The following PSMF1 variants were observed in gnomAD, a reference collection of about 807,000 sequenced individuals.
PSMF1 encodes proteasome inhibitor subunit 1.
Under a neutral mutation model 29.3 loss-of-function variants are expected in PSMF1, and 30 were observed. The ratio of observed to expected loss-of-function variants is 1.02; its 90% CI spans 0.77 to 1.39. The LOEUF is 1.39. Among genes scored for constraint, PSMF1 ranks in the 40% most tolerant of loss-of-function variants. The probability of loss-of-function intolerance (pLI) is 0.00; values close to 1 mark genes in which losing one functional copy is unlikely to be tolerated. For synonymous variants in PSMF1, 134 were observed against 139.7 expected (o/e 0.96, Z 0.29); for missense variants, 344 against 357.5 (o/e 0.96, Z 0.31).
chr20:1,116,206 G>A (rs1335881489), upstream of PSMF1, among the ~76,000 whole-genome samples: 1 of 152,132 alleles, frequency 6.6e-6, no homozygotes, highest in Admixed American at 6.5e-5. Flanking sequence ...TTTATTGATG[G>A]AATGAATCTG....
intron 1 of PSMF1, among the ~76,000 whole-genome samples, chr20:1,124,943 C>G (rs1238173970): frequency 6.6e-6 from 1 of 152,198 alleles, no homozygotes; most frequent in African/African-American, 2.4e-5. Flanking sequence ...CTACCCAAGG[C>G]TTTAGCAGTA....
chr20:1,119,183 A>G lies in PSMF1; in HGVS notation c.129+281A>G, dbSNP rs542526976. Among the ~76,000 whole-genome samples, 7 of 152,226 alleles carry G rather than the reference A, an allele frequency of 4.6e-5. No homozygotes were observed. The East Asian group carries it at 7.7e-4, about 17-fold the overall frequency. On this transcript the variant is annotated intron_variant, in intron 1 of 6. Transcript: ENST00000335877. ...AGCCTCTCAGGCCAGGACTGTGTGG[A>G]TCTAGCATTCCATAGAATGGCAAAG...
Position 1,169,410 on chromosome 20 carries a change from G to A in PSMF1, c.*4330G>A, listed in dbSNP as rs1003567889. ...CCCTTGCTTGGAGGAACGTGAGGCT[G>A]ATGGTGCAGTGCAATAGAGGTCACT... is the stretch of plus-strand genomic sequence containing the variant. On this transcript the variant is annotated 3_prime_UTR_variant, in exon 7 of 7. Transcript: ENST00000335877. 9.9e-5 allele frequency among the ~76,000 whole-genome samples: 15 copies of A among 152,222 alleles called. 1 individual carries two copies. Among genetic ancestry groups the A allele is most frequent in the Admixed American group, 6.5e-5 (1 of 15,286 alleles).
At chr20:1,153,906 CTG>C (rs1326263826) in intron 4 of PSMF1, among the ~76,000 whole-genome samples, 2 of 152,062 alleles carry the variant, frequency 1.3e-5, no homozygotes, top group African/African-American at 4.8e-5. Flanking sequence ...GATAAGAAAT[CTG>C]TGTTTTCTAA....
chr20:1,132,658 A>G lies in PSMF1; in HGVS notation c.366-2463A>G, dbSNP rs56678966. ...CTAGGATTTTGATAGGAGTTGCATTAAACCTATAGATTAGTTTGGGGAGAA... is the reference window on the plus strand; with the variant it reads ...CTAGGATTTTGATAGGAGTTGCATTGAACCTATAGATTAGTTTGGGGAGAA... On this transcript the variant is annotated intron_variant, in intron 3 of 6. Coordinates refer to ENST00000335877, the MANE Select transcript of PSMF1 (RefSeq NM_006814.5). Among the ~76,000 whole-genome samples the G allele has an allele frequency of 8.8e-3, 1,347 of 152,322 alleles. 32 individuals are homozygous for G. The highest frequency in any genetic ancestry group is 0.031 in the African/African-American group (1,285 of 41,564).
In PSMF1 at chr20:1,164,592, C is replaced by A; in HGVS notation, c.764+116C>A. The A allele has an allele frequency of 7.1e-7, 1 of 1,398,850 alleles. No individual in the cohort carries two copies. The highest frequency in any genetic ancestry group is 9.8e-7 in the Non-Finnish European group (1 of 1,021,296). The allele number at this position is 1,398,850 out of a possible 1,614,324, so 86.7% of individuals were successfully genotyped here. A position where few individuals can be genotyped will look rare whatever the true frequency, so the allele number is the denominator to read the frequency against. On this transcript the variant is annotated intron_variant, in intron 6 of 6. Coordinates refer to ENST00000335877, the MANE Select transcript of PSMF1 (RefSeq NM_006814.5). The surrounding 1 kb of genome is among the most constrained non-coding windows in gnomAD (Gnocchi z 4.1). ...GAGCTGCCGCTGCCTTCACCTGTTG[C>A]TGCCAGGAGAGTGGAGCCTCCTCCA...
rs563221099 is a variant in PSMF1, at chr20:1,171,699, G to A, written c.*6619G>A. ...GTCAGCGCCCAGCCTCCCTAAAGCC[G>A]CTGGAGGAGGCCTTTGGAGCCAGCT... On this transcript the variant is annotated 3_prime_UTR_variant, in exon 7 of 7. Transcript: ENST00000335877. 6.6e-6 allele frequency among the ~76,000 whole-genome samples: 1 copy of A among 152,170 alleles called. No homozygotes were observed. The highest frequency in any genetic ancestry group is 6.5e-5 in the Admixed American group (1 of 15,286).
At chr20:1,157,372 C>T (rs1335330015) in intron 4 of PSMF1, among the ~76,000 whole-genome samples, 5 of 152,188 alleles carry the variant, frequency 3.3e-5, no homozygotes, top group African/African-American at 1.2e-4. Context: ...TGATACACAT[C>T]TCCTGAGATC....
chr20:1,167,349 TTTATTGAGA>T lies in PSMF1; in HGVS notation c.*2271_*2279del, dbSNP rs1314107467. On this transcript the variant is annotated 3_prime_UTR_variant, in exon 7 of 7. Coordinates refer to ENST00000335877, the MANE Select transcript of PSMF1 (RefSeq NM_006814.5). The stretch of plus-strand genomic sequence containing the variant: ...TGTTCCTCCTTTTTTAAATAGCAGC[TTTATTGAGA>T]TATAATTTACATACCCATAATTTAC... 1 of 152,188 alleles carries T rather than the reference TTTATTGAGA, an allele frequency of 6.6e-6. No homozygotes were observed. Among genetic ancestry groups the T allele is most frequent in the East Asian group, 1.9e-4 (1 of 5,194 alleles). The allele number at this position is 152,188 out of a possible 1,614,324, so 9.4% of individuals were successfully genotyped here.
At position 1,166,253 on chromosome 20, in the gene PSMF1, G is replaced by A. The variant is rs2086729090; in HGVS notation, c.*1173G>A. ...CCGAGGCCTGACAGACGCGGGCAGT[G>A]ATGAGCCCTGTTCTGGAGTGGAAAG... On this transcript the variant is annotated 3_prime_UTR_variant, in exon 7 of 7. Coordinates refer to ENST00000335877, the MANE Select transcript of PSMF1 (RefSeq NM_006814.5). The A allele has an allele frequency of 6.2e-7, 1 of 1,612,372 alleles. No homozygotes were observed. Among genetic ancestry groups the A allele is most frequent in the South Asian group, 1.1e-5 (1 of 90,892 alleles).
intron 3 of PSMF1, among the ~76,000 whole-genome samples, chr20:1,132,969 G>GT (rs60189289): frequency 0.62 from 82,591 of 133,934 alleles, 26,259 homozygotes; most frequent in South Asian, 0.73. Flanking sequence ...GGGTTTTTTT[G>GT]TTTTTTTTTT....
chr20:1,151,191 G>T (rs1277672945), intron 4 of PSMF1, among the ~76,000 whole-genome samples: 2 of 152,100 alleles, frequency 1.3e-5, no homozygotes, highest in African/African-American at 4.8e-5. Flanking sequence ...TTTATTCAGT[G>T]CCATTGATTC....
At chr20:1,161,574 G>C in intron 4 of PSMF1, 1 of 622,780 alleles carries the variant, frequency 1.6e-6, no homozygotes, top group Non-Finnish European at 3.0e-6. Flanking sequence ...CTCCCAGAGC[G>C]CAAGTACTCC....
Position 1,162,792 on chromosome 20 carries a change from T to C in PSMF1, c.552-338T>C, listed in dbSNP as rs564738673. 1.8e-4 allele frequency among the ~76,000 whole-genome samples: 28 copies of C among 152,308 alleles called. No individual in the cohort carries two copies. The East Asian group carries it at 5.4e-3, about 29-fold the overall frequency. On this transcript the variant is annotated intron_variant, in intron 4 of 6. Coordinates refer to ENST00000335877, the MANE Select transcript of PSMF1 (RefSeq NM_006814.5). ...ATTTTGGTTTTGGGTTTAAGAATAA[T>C]ATTTTTCTGACGTAAAACTTCTTGG...
chr20:1,142,918 C>G (rs2086402162), intron 4 of PSMF1, among the ~76,000 whole-genome samples: 1 of 152,194 alleles, frequency 6.6e-6, no homozygotes, highest in Non-Finnish European at 1.5e-5. Flanking sequence ...TTCTCCACAT[C>G]CTCTCCAGCA....
rs376571052 is a variant in PSMF1 at position 1,132,672 on chromosome 20, G to T, written c.366-2449G>T. On this transcript the variant is annotated intron_variant, in intron 3 of 6. Transcript: ENST00000335877. Reference sequence around the variant, plus strand: ...GGAGTTGCATTAAACCTATAGATTAGTTTGGGGAGAATTGACATTCTTGCT... The same window carrying T: ...GGAGTTGCATTAAACCTATAGATTATTTTGGGGAGAATTGACATTCTTGCT... 3.0e-4 allele frequency among the ~76,000 whole-genome samples: 46 copies of T among 152,260 alleles called. 1 individual carries two copies. Among genetic ancestry groups the T allele is most frequent in the African/African-American group, 1.0e-3 (42 of 41,530 alleles).
intron 4 of PSMF1, among the ~76,000 whole-genome samples, chr20:1,147,176 T>TCATCATCATCATCATCACCAC (rs1248666704): frequency 1.5e-5 from 2 of 132,378 alleles, no homozygotes; most frequent in East Asian, 4.1e-4. Flanking sequence ...ATCATCATCA[T>TCATCATCATCATCATCACCAC]CACCACCCTG....
chr20:1,161,200 G>T, intron 4 of PSMF1: 2 of 324,222 alleles, frequency 6.2e-6, no homozygotes, highest in Non-Finnish European at 1.2e-5. Flanking sequence ...GAGATCATGC[G>T]TGACATCAAG....
chr20:1,171,316 A>C lies in PSMF1; in HGVS notation c.*6236A>C, dbSNP rs1381749018. On this transcript the variant is annotated 3_prime_UTR_variant, in exon 7 of 7. Transcript: ENST00000335877. ...AACAGGCTCAAGAAACCCATATGTG[A>C]TGGGGAGCTCCTAACAGGCTTCCCT... Among the ~76,000 whole-genome samples, 1 of 152,122 alleles carries C rather than the reference A, an allele frequency of 6.6e-6. No homozygotes were observed. The highest frequency in any genetic ancestry group is 1.5e-5 in the Non-Finnish European group (1 of 68,030).
Sources: gnomAD v4.1 joint callset for allele counts (sites outside exome capture counted in the v4.1 genomes callset) on GRCh38, gnomAD v4.1.1 for gene constraint, Gnocchi (gnomAD v3.1) non-coding constraint, MANE v1.5 for transcripts, NCBI Gene and HGNC (gene_info 2026-07-23, HGNC 2026-07-21) for gene names.